Variants in SNTB1 observed in about 807,000 individuals in gnomAD.
The protein encoded by SNTB1 is beta-1-syntrophin.
SNTB1 carries 36 observed loss-of-function variants against 48.9 expected under a neutral mutation model. That is an observed-to-expected ratio of 0.74 (90% CI 0.56 to 0.97). SNTB1 has a LOEUF of 0.97. Among genes scored for constraint, SNTB1 ranks in the 50% least tolerant of loss-of-function variants. The probability of loss-of-function intolerance (pLI) is 0.00; values close to 1 mark genes in which losing one functional copy is unlikely to be tolerated. For missense variants in SNTB1, 786 were observed against 703.4 expected, an observed-to-expected ratio of 1.12 and a Z score of -1.33; for synonymous variants, 299 against 294.6, an observed-to-expected ratio of 1.01 and a Z score of -0.15.
At chr8:120,730,001 T>C (rs1321740518) in intron 1 of SNTB1, among the ~76,000 whole-genome samples, 1 of 152,222 alleles carries the variant, frequency 6.6e-6, no homozygotes. Context: ...TCACTCAACA[T>C]ACAACAGGTG....
chr8:120,715,423 A>G (rs1476222874), intron 1 of SNTB1, among the ~76,000 whole-genome samples: 1 of 152,230 alleles, frequency 6.6e-6, no homozygotes, highest in African/African-American at 2.4e-5. Context: ...TGGTTACTCA[A>G]CAGAGCCCAG....
chr8:120,751,045 G>C (rs1156360400), intron 1 of SNTB1, among the ~76,000 whole-genome samples: 1 of 152,082 alleles, frequency 6.6e-6, no homozygotes. Context: ...TCTAATAACT[G>C]ACCTATGATC....
At position 120,610,284 on chromosome 8, in the gene SNTB1, A is replaced by G. The variant is rs188227050; in HGVS notation, c.996+22160T>C. Among the ~76,000 whole-genome samples, 362 of 152,148 alleles carry G rather than the reference A, an allele frequency of 2.4e-3. 6 individuals are homozygous for G. Among genetic ancestry groups the G allele is most frequent in the Non-Finnish European group, 1.1e-3 (74 of 67,992 alleles). On this transcript the variant is annotated intron_variant, in intron 3 of 6. Coordinates refer to ENST00000517992, the MANE Select transcript of SNTB1 (RefSeq NM_021021.4). Reference sequence around the variant, plus strand: ...CCCAGGTAGCTCGGATTATAGGCACATACCACTGTGCCCAGCTAATTTTTG... The same window carrying G: ...CCCAGGTAGCTCGGATTATAGGCACGTACCACTGTGCCCAGCTAATTTTTG...
intron 1 of SNTB1, among the ~76,000 whole-genome samples, chr8:120,722,244 C>A (rs1478263147): frequency 6.6e-6 from 1 of 152,160 alleles, no homozygotes; most frequent in African/African-American, 2.4e-5. Context: ...GATTTATAAT[C>A]CTTTCGGTAT....
intron 1 of SNTB1, among the ~76,000 whole-genome samples, chr8:120,767,562 T>C (rs936435312): frequency 7.2e-5 from 11 of 152,326 alleles, no homozygotes; most frequent in Middle Eastern, 3.4e-3. Flanking sequence ...GTTTAGAACA[T>C]AGGCTCTACA....
intron 3 of SNTB1, among the ~76,000 whole-genome samples, chr8:120,587,634 G>A (rs1213684246): frequency 6.6e-6 from 1 of 152,216 alleles, no homozygotes; most frequent in African/African-American, 2.4e-5. Flanking sequence ...CTCCCCCAGT[G>A]AATGCTGTAA....
Position 120,693,909 on chromosome 8 carries a change from C to T in SNTB1, c.572-1G>A, listed in dbSNP as rs1448002885. On this transcript the variant is annotated splice_acceptor_variant, in intron 1 of 6. Coordinates refer to ENST00000517992, the MANE Select transcript of SNTB1 (RefSeq NM_021021.4). LOFTEE classifies it high-confidence loss of function. The stretch of plus-strand genomic sequence containing the variant: ...GGCGTGGCTTCTCGCATGTACTTCA[C>T]TGCAAGGAAAAAGACAACAAGTGCT... 1 of 1,611,740 alleles carries T rather than the reference C, an allele frequency of 6.2e-7. No homozygotes were observed. Among genetic ancestry groups the T allele is most frequent in the Non-Finnish European group, 8.5e-7 (1 of 1,178,412 alleles).
chr8:120,643,470 G>C (rs547215897), intron 2 of SNTB1, among the ~76,000 whole-genome samples: 2 of 152,194 alleles, frequency 1.3e-5, no homozygotes, highest in African/African-American at 4.8e-5. Flanking sequence ...TCATTCTTCT[G>C]CCTTTGCATT....
intron 1 of SNTB1, among the ~76,000 whole-genome samples, chr8:120,746,097 T>C (rs1486923594): frequency 2.0e-5 from 3 of 152,170 alleles, no homozygotes; most frequent in East Asian, 3.8e-4. Context: ...TTGAACAACA[T>C]AGGTTTGAAC....
chr8:120,697,771 C>T (rs1455836948), intron 1 of SNTB1, among the ~76,000 whole-genome samples: 1 of 152,128 alleles, frequency 6.6e-6, no homozygotes, highest in African/African-American at 2.4e-5. Context: ...AGTATGTTTA[C>T]AGAGACAAAT....
intron 1 of SNTB1, among the ~76,000 whole-genome samples, chr8:120,728,033 CT>C (rs1340280696): frequency 6.6e-6 from 1 of 151,952 alleles, no homozygotes; most frequent in Non-Finnish European, 1.5e-5. Context: ...ATTATTTTTT[CT>C]TTTTTTCCTG....
At chr8:120,779,687 T>C (rs949872317) in intron 1 of SNTB1, among the ~76,000 whole-genome samples, 3 of 152,078 alleles carry the variant, frequency 2.0e-5, no homozygotes, top group Non-Finnish European at 2.9e-5. Flanking sequence ...AAACGAACTT[T>C]GAGAGATAGG....
intron 3 of SNTB1, among the ~76,000 whole-genome samples, chr8:120,576,783 C>T (rs1815958581): frequency 6.6e-6 from 1 of 152,110 alleles, no homozygotes; most frequent in African/African-American, 2.4e-5. Context: ...ATAATAGTAC[C>T]TATAGCAGAG....
chr8:120,544,785 CAA>C (rs1300435222), intron 5 of SNTB1, among the ~76,000 whole-genome samples: 1 of 121,398 alleles, frequency 8.2e-6, no homozygotes, highest in Non-Finnish European at 1.6e-5. Context: ...CTCTCAAATT[CAA>C]AACTTTTTTT....
chr8:120,746,259 T>G (rs1406532295), intron 1 of SNTB1, among the ~76,000 whole-genome samples: 1 of 152,236 alleles, frequency 6.6e-6, no homozygotes, highest in South Asian at 2.1e-4. Context: ...CATTTAATGA[T>G]AGTAAATATA....
intron 2 of SNTB1, among the ~76,000 whole-genome samples, chr8:120,675,833 G>A (rs1269909388): frequency 6.6e-6 from 1 of 152,160 alleles, no homozygotes; most frequent in African/African-American, 2.4e-5. Context: ...CTTATTTTGA[G>A]TCTTTAGAAG....
chr8:120,787,457 A>C (rs1408731817), intron 1 of SNTB1, among the ~76,000 whole-genome samples: 1 of 151,684 alleles, frequency 6.6e-6, no homozygotes, highest in Admixed American at 6.6e-5. Flanking sequence ...AAGAAAGGTA[A>C]AAAAAACAAC....
At chr8:120,597,503 T>C (rs1298758131) in intron 3 of SNTB1, among the ~76,000 whole-genome samples, 1 of 152,210 alleles carries the variant, frequency 6.6e-6, no homozygotes, top group Admixed American at 6.5e-5. Flanking sequence ...TGAATTGGCA[T>C]TTTCATAGGA....
At chr8:120,678,513 G>A (rs1053147410) in intron 2 of SNTB1, among the ~76,000 whole-genome samples, 3 of 152,080 alleles carry the variant, frequency 2.0e-5, no homozygotes, top group African/African-American at 7.2e-5. Flanking sequence ...GTCTTCCTCT[G>A]AGCCTCTCAA....
Sources: allele counts gnomAD v4.1 joint callset (sites outside exome capture counted in the v4.1 genomes callset), GRCh38; gene constraint gnomAD v4.1.1; transcripts MANE v1.5; gene names NCBI Gene and HGNC (gene_info 2026-07-23, HGNC 2026-07-21).